Variants in STON2 observed in about 807,000 individuals in gnomAD.
The protein encoded by STON2 is stonin 2, also known as stonin-2.
In STON2, 29 loss-of-function variants were observed where a neutral mutation model predicts 65.7. The ratio of observed to expected loss-of-function variants is 0.44; its 90% CI spans 0.33 to 0.60. The LOEUF (loss-of-function observed/expected upper bound fraction) is 0.60, where lower values mean the gene tolerates loss of function less well. STON2 is among the 20% of genes least tolerant of loss of function. STON2 has a pLI of 0.03. For synonymous variants in STON2, 404 were observed against 414.2 expected, an observed-to-expected ratio of 0.98 and a Z score of 0.30; for missense variants, 1,054 against 1,118.1, an observed-to-expected ratio of 0.94 and a Z score of 0.82.
At chr14:81,330,462 A>G (rs1897171328) in intron 4 of STON2, among the ~76,000 whole-genome samples, 1 of 151,544 alleles carries the variant, frequency 6.6e-6, no homozygotes, top group Admixed American at 6.6e-5. Context: ...AATGTTATTT[A>G]TGTTATAGTA....
intron 3 of STON2, among the ~76,000 whole-genome samples, chr14:81,387,949 C>CTT (rs369887955): frequency 0.017 from 1,759 of 102,768 alleles, 182 homozygotes; most frequent in African/African-American, 0.069. Context: ...TATTTCTTTT[C>CTT]TTTTTTTTTT....
chr14:81,424,648 A>G (rs1901879394), intron 2 of STON2, among the ~76,000 whole-genome samples: 1 of 152,148 alleles, frequency 6.6e-6, no homozygotes, highest in South Asian at 2.1e-4. Flanking sequence ...TTATAGTGGG[A>G]GGACAGGCTG....
chr14:81,425,594 T>C (rs1001730908), intron 2 of STON2, among the ~76,000 whole-genome samples: 2 of 151,672 alleles, frequency 1.3e-5, no homozygotes, highest in Non-Finnish European at 2.9e-5. Context: ...GTAGGGAAGA[T>C]TGGTTAGTAT....
At chr14:81,304,711 G>A (rs975744625) in intron 5 of STON2, among the ~76,000 whole-genome samples, 1 of 152,142 alleles carries the variant, frequency 6.6e-6, no homozygotes, top group Non-Finnish European at 1.5e-5. Flanking sequence ...CTGGGTGACA[G>A]AGTGAGACTG....
intron 3 of STON2, among the ~76,000 whole-genome samples, chr14:81,389,254 C>T (rs971695720): frequency 1.3e-5 from 2 of 152,228 alleles, no homozygotes; most frequent in Non-Finnish European, 2.9e-5. Flanking sequence ...TTAGTTTCCA[C>T]TGTTCCTTTT....
intron 2 of STON2, among the ~76,000 whole-genome samples, chr14:81,420,694 T>C (rs925870169): frequency 3.9e-5 from 6 of 152,244 alleles, no homozygotes; most frequent in South Asian, 2.1e-4. Context: ...ATTAGTTCTG[T>C]GAGGCAGGGG....
intron 4 of STON2, among the ~76,000 whole-genome samples, chr14:81,356,286 T>C (rs1246808583): frequency 5.3e-5 from 8 of 152,212 alleles, no homozygotes; most frequent in South Asian, 2.1e-4. Flanking sequence ...TTGTCTTTGG[T>C]TCTGTTTATA....
chr14:81,398,134 T>C (rs551758346), intron 2 of STON2, among the ~76,000 whole-genome samples, 161 bp downstream of exon 2: 1 of 152,304 alleles, frequency 6.6e-6, no homozygotes, highest in East Asian at 1.9e-4. Flanking sequence ...AGTGTGTAAA[T>C]TCTTCCACTT....
rs1900434676 is a variant in STON2, at chr14:81,398,359, A to G, written c.24T>C (p.Ile8=). The G allele has an allele frequency of 1.2e-6, 2 of 1,614,022 alleles. No individual in the cohort carries two copies. Among genetic ancestry groups the G allele is most frequent in the Admixed American group, 1.7e-5 (1 of 60,006 alleles). Residue 8 remains isoleucine, a synonymous_variant, in exon 2 of 8, where the codon ATT becomes ATC. Coordinates refer to ENST00000614646, the MANE Select transcript of STON2 (RefSeq NM_001394390.1). The part of the protein sequence containing the change: MTTLDHV[I]ATHQSEWVSF... ...AGACCCATTCTGACTGGTGGGTGGC[A>G]ATCACATGGTCCAAAGTCGTCATGC...
At chr14:81,403,222 C>T (rs1900690309), upstream of STON2, among the ~76,000 whole-genome samples, 1 of 152,140 alleles carries the variant, frequency 6.6e-6, no homozygotes, top group Non-Finnish European at 1.5e-5. Flanking sequence ...GATACATTTT[C>T]CCTACATTTT....
At chr14:81,290,032 T>G (rs1895493528) in intron 5 of STON2, among the ~76,000 whole-genome samples, 1 of 152,214 alleles carries the variant, frequency 6.6e-6, no homozygotes, top group African/African-American at 2.4e-5. Flanking sequence ...CTTCAATATA[T>G]GGGTCTACTT....
At chr14:81,302,262 G>A (rs1351573843) in intron 5 of STON2, among the ~76,000 whole-genome samples, 1 of 152,132 alleles carries the variant, frequency 6.6e-6, no homozygotes, top group Non-Finnish European at 1.5e-5. Context: ...CAAATTTCTG[G>A]AACAGAGGCT....
At chr14:81,426,571 C>G (rs367590085) in intron 2 of STON2, among the ~76,000 whole-genome samples, 1 of 152,138 alleles carries the variant, frequency 6.6e-6, no homozygotes, top group Admixed American at 6.5e-5. Context: ...TCACACTTAA[C>G]GCATCCAGAT....
At chr14:81,434,647 T>C (rs1305658108) in intron 1 of STON2, among the ~76,000 whole-genome samples, 4 of 152,142 alleles carry the variant, frequency 2.6e-5, no homozygotes, top group Non-Finnish European at 4.4e-5. Flanking sequence ...AGATTCCCAC[T>C]GACATCACCC....
chr14:81,362,928 T>C (rs374316534), intron 4 of STON2, among the ~76,000 whole-genome samples: 1 of 152,168 alleles, frequency 6.6e-6, no homozygotes, highest in East Asian at 1.9e-4. Flanking sequence ...AAACAAAGAA[T>C]TGTGGTCCAG....
At position 81,371,042 on chromosome 14, in the gene STON2, G is replaced by A. The variant is rs1234606589; in HGVS notation, c.517C>T (p.Leu173Phe). 8 of 1,613,600 alleles carry A rather than the reference G, an allele frequency of 5.0e-6. No homozygotes were observed. Among genetic ancestry groups the A allele is most frequent in the South Asian group, 1.1e-5 (1 of 91,064 alleles). The change falls in exon 4 of 8, where the codon CTC (leucine) becomes TTC (phenylalanine). Residue 173 changes from leucine (L) to phenylalanine (F), a missense_variant. Leu to Phe is a conservative substitution (Grantham distance 22). Transcript: ENST00000614646. ...CTCGTCTGCTCCTCAGCATTGATGA[G>A]CTGCAGATCTGTATACGAACATCCA... ...SFGCSYTDLQ[L>F]INAEEQTSGQ...
chr14:81,411,794 T>A (rs144143760), intron 2 of STON2, among the ~76,000 whole-genome samples: 382 of 152,174 alleles, frequency 2.5e-3, no homozygotes, highest in Non-Finnish European at 4.5e-3. Context: ...GGGGCTTACA[T>A]CATGAGGGAA....
At chr14:81,340,079 G>A (rs550456336) in intron 4 of STON2, among the ~76,000 whole-genome samples, 21 of 152,278 alleles carry the variant, frequency 1.4e-4, no homozygotes, top group South Asian at 2.1e-4. Flanking sequence ...GCATAAACCC[G>A]GGGGATGGAG....
chr14:81,309,485 A>G (rs1297859186), intron 5 of STON2, among the ~76,000 whole-genome samples: 1 of 152,170 alleles, frequency 6.6e-6, no homozygotes, highest in African/African-American at 2.4e-5. Context: ...TAGTTATGAT[A>G]ATTTTTTAAA....
Sources: allele counts gnomAD v4.1 joint callset (sites outside exome capture counted in the v4.1 genomes callset), GRCh38; gene constraint gnomAD v4.1.1; transcripts MANE v1.5; gene names NCBI Gene and HGNC (gene_info 2026-07-23, HGNC 2026-07-21).